The following ARFGEF3 variants were observed in gnomAD, a reference collection of about 807,000 sequenced individuals.
ARFGEF3 encodes the protein ARFGEF family member 3, also known as brefeldin A-inhibited guanine nucleotide-exchange protein 3.
A neutral mutation model predicts 221.7 loss-of-function variants in ARFGEF3; 96 were observed. The ratio of observed to expected loss-of-function variants is 0.43; its 90% CI spans 0.37 to 0.51. The LOEUF is 0.51. ARFGEF3 is among the 20% of genes least tolerant of loss of function. ARFGEF3 has a pLI of 0.00. For synonymous variants in ARFGEF3, 1,145 were observed against 1,126.8 expected (o/e 1.02, Z -0.32); for missense variants, 2,410 against 2,789.9 (o/e 0.86, Z 3.07).
rs182918593 is a variant in ARFGEF3 at position 138,288,648 on chromosome 6, G to A, written c.2897-1170G>A. 6.8e-4 allele frequency among the ~76,000 whole-genome samples: 103 copies of A among 152,276 alleles called. 1 individual carries two copies. In the Middle Eastern group the frequency reaches 0.01, roughly 15 times the overall value. On this transcript the variant is annotated intron_variant, in intron 17 of 33. Transcript: ENST00000251691. Reference sequence around the variant, plus strand: ...TGCAGTGAACCAAGATGAAGCCACTGCACTCCAGCCTGGGTAACAGAGTGA... The same window carrying A: ...TGCAGTGAACCAAGATGAAGCCACTACACTCCAGCCTGGGTAACAGAGTGA...
chr6:138,200,910 C>G (rs1054587105), intron 2 of ARFGEF3, among the ~76,000 whole-genome samples: 2 of 152,120 alleles, frequency 1.3e-5, no homozygotes, highest in Non-Finnish European at 2.9e-5. Context: ...GGGAGAAAAT[C>G]TTCACAATCT....
At chr6:138,180,568 T>C (rs896405202) in intron 2 of ARFGEF3, among the ~76,000 whole-genome samples, 2 of 152,150 alleles carry the variant, frequency 1.3e-5, no homozygotes, top group African/African-American at 4.8e-5. Flanking sequence ...AGTCAAACTC[T>C]GTTGAGTTTT....
intron 2 of ARFGEF3, among the ~76,000 whole-genome samples, chr6:138,186,780 G>A (rs1404933909): frequency 2.0e-5 from 3 of 152,090 alleles, no homozygotes; most frequent in Non-Finnish European, 4.4e-5. Context: ...GGGAACACAA[G>A]TGTCTGAGCC....
rs774607259 is a variant in ARFGEF3, at chr6:138,334,848, GGAA to G, written c.6007_6009del (p.Lys2003del). 49 of 1,595,964 alleles carry G rather than the reference GGAA, an allele frequency of 3.1e-5. No homozygotes were observed. The East Asian group carries it at 9.6e-4, about 31-fold the overall frequency. On this transcript the variant is annotated inframe_deletion, in exon 33 of 34. Coordinates refer to ENST00000251691, the MANE Select transcript of ARFGEF3 (RefSeq NM_020340.5). The surrounding 1 kb of genome is among the most constrained non-coding windows in gnomAD (Gnocchi z 5.1). ...AAAGTGGAGAAGAAGGATCCCAGCCGGAAGAAGGAGTGGTGGGAGAATGCGGGG... is the reference window on the plus strand; with the variant it reads ...AAAGTGGAGAAGAAGGATCCCAGCCGGAAGGAGTGGTGGGAGAATGCGGGG...
At position 138,323,773 on chromosome 6, in the gene ARFGEF3, G is replaced by C; in HGVS notation, c.4869G>C (p.Lys1623Asn). 5.0e-6 allele frequency: 8 copies of C among 1,613,808 alleles called. No individual in the cohort carries two copies. Among genetic ancestry groups the C allele is most frequent in the Non-Finnish European group, 6.8e-6 (8 of 1,179,758 alleles). Residue 1623 changes from lysine to asparagine, a missense_variant and splice_region_variant, in exon 30 of 34, where the codon AAG becomes AAC. Lys to Asn is a moderately conservative substitution (Grantham distance 94). Around this residue, in one of 5 missense-constraint regions of ARFGEF3, gnomAD observed 723 missense variants for 991.9 expected, o/e 0.73. Coordinates refer to ENST00000251691, the MANE Select transcript of ARFGEF3 (RefSeq NM_020340.5). ...TCTCTGCCACACTCAAGCCAGTGAA[G>C]GTACATCACTGGGAGGAAGCCCTCC... ...DAFSATLKPV[K>N]DLLGCFHSGT...
chr6:138,251,167 G>T (rs1469000854), intron 8 of ARFGEF3, among the ~76,000 whole-genome samples: 1 of 152,186 alleles, frequency 6.6e-6, no homozygotes. Context: ...TAACCTGGGG[G>T]TTGAAGTATT....
At position 138,312,460 on chromosome 6, in the gene ARFGEF3, G is replaced by A. The variant is rs371104138; in HGVS notation, c.4200+950G>A. On this transcript the variant is annotated intron_variant, in intron 25 of 33. Transcript: ENST00000251691. ...CTGCCTCCCCCAGGCCCCATATGAC[G>A]CGACCCCTGCCCGGCTCCCTTTCCA... Among the ~76,000 whole-genome samples the A allele has an allele frequency of 4.5e-4, 68 of 152,016 alleles. No homozygotes were observed. The South Asian group carries it at 5.6e-3, about 13-fold the overall frequency.
At chr6:138,287,294 C>T in intron 17 of ARFGEF3, 110 bp downstream of exon 17, 1 of 777,468 alleles carries the variant, frequency 1.3e-6, no homozygotes, top group Non-Finnish European at 2.2e-6. Context: ...TGTGTGATGC[C>T]CGGTATGTAT....
At chr6:138,238,419 A>G in intron 5 of ARFGEF3, 90 bp from the exon 6 acceptor site, 1 of 1,371,096 alleles carries the variant, frequency 7.3e-7, no homozygotes, top group African/African-American at 1.4e-5. Flanking sequence ...TTTAAGAGGG[A>G]TTTGATATCC....
At chr6:138,168,507 G>T (rs1582991777) in intron 1 of ARFGEF3, among the ~76,000 whole-genome samples, 2 of 152,186 alleles carry the variant, frequency 1.3e-5, no homozygotes, top group South Asian at 4.1e-4. Context: ...TGGAGGAAAT[G>T]CTCTCATCTG....
At chr6:138,270,009 G>A (rs369626081) in intron 12 of ARFGEF3, among the ~76,000 whole-genome samples, 15 of 152,030 alleles carry the variant, frequency 9.9e-5, no homozygotes, top group South Asian at 2.1e-4. Flanking sequence ...TGGTGCTGGC[G>A]GAGCTGCTGG....
At chr6:138,202,877 TAC>T (rs978764226) in intron 2 of ARFGEF3, among the ~76,000 whole-genome samples, 4 of 150,252 alleles carry the variant, frequency 2.7e-5, no homozygotes, top group East Asian at 1.9e-4. Context: ...CACATACACC[TAC>T]ACACACACAC....
chr6:138,306,169 T>G (rs1779720376), intron 22 of ARFGEF3, among the ~76,000 whole-genome samples: 1 of 152,138 alleles, frequency 6.6e-6, no homozygotes, highest in Non-Finnish European at 1.5e-5. Context: ...AATTTATATA[T>G]ATGAGAAATA....
At chr6:138,316,192 C>T (rs1472922349) in intron 26 of ARFGEF3, among the ~76,000 whole-genome samples, 1 of 152,002 alleles carries the variant, frequency 6.6e-6, no homozygotes, top group Non-Finnish European at 1.5e-5. Context: ...CCATCCAGCA[C>T]CTATCTAAGT....
At chr6:138,166,854 C>T (rs913351936) in intron 1 of ARFGEF3, among the ~76,000 whole-genome samples, 4 of 152,262 alleles carry the variant, frequency 2.6e-5, no homozygotes, top group Middle Eastern at 3.4e-3. Flanking sequence ...TCTATCCAAC[C>T]AGCACCCTTC....
At chr6:138,230,954 A>C (rs1415546126) in intron 5 of ARFGEF3, among the ~76,000 whole-genome samples, 1 of 152,198 alleles carries the variant, frequency 6.6e-6, no homozygotes, top group Non-Finnish European at 1.5e-5. Context: ...AGCAAGAAGC[A>C]GGATTGGTGT....
At chr6:138,307,854 C>T (rs1779754779) in intron 23 of ARFGEF3, among the ~76,000 whole-genome samples, 1 of 152,078 alleles carries the variant, frequency 6.6e-6, no homozygotes, top group Non-Finnish European at 1.5e-5. Context: ...ACTCAGAAAC[C>T]CACCAGAAAG....
intron 8 of ARFGEF3, among the ~76,000 whole-genome samples, chr6:138,248,274 T>C (rs1421115133): frequency 2.0e-5 from 3 of 152,072 alleles, no homozygotes; most frequent in Non-Finnish European, 4.4e-5. Flanking sequence ...TCATGGTGAG[T>C]CCTCATCTGA....
At chr6:138,335,310 C>T (rs1158038369) in intron 33 of ARFGEF3, 122 bp downstream of exon 33, 6 of 966,908 alleles carry the variant, frequency 6.2e-6, no homozygotes, top group Non-Finnish European at 8.6e-6. Context: ...GGGTATGAAC[C>T]GATTTCCCTC....
Sources: gnomAD v4.1 joint callset for allele counts (sites outside exome capture counted in the v4.1 genomes callset) on GRCh38, gnomAD v4.1.1 for gene constraint, gnomAD v4.1.1 regional missense constraint, Gnocchi (gnomAD v3.1) non-coding constraint, MANE v1.5 for transcripts, NCBI Gene and HGNC (gene_info 2026-07-23, HGNC 2026-07-21) for gene names.